KDM3B: variants seen among roughly 807,000 people sequenced by gnomAD.
KDM3B encodes the protein lysine-specific demethylase 3B.
In KDM3B, 10 loss-of-function variants were observed where a neutral mutation model predicts 170.0. That is an observed-to-expected ratio of 0.06 (90% CI 0.04 to 0.10). The LOEUF (loss-of-function observed/expected upper bound fraction) is 0.10, where lower values mean the gene tolerates loss of function less well. Ranked by LOEUF, KDM3B falls within the 10% of genes least tolerant of loss-of-function variation. The pLI, the probability that KDM3B is intolerant of heterozygous loss-of-function variation, is 1.00. For missense variants in KDM3B, 1,394 were observed against 2,195.2 expected (o/e 0.64, Z 7.29); for synonymous variants, 831 against 834.8 (o/e 1.00, Z 0.08).
chr5:138,356,241 T>G (rs896036474), intron 1 of KDM3B, among the ~76,000 whole-genome samples: 2 of 152,230 alleles, frequency 1.3e-5, no homozygotes, highest in African/African-American at 4.8e-5. Flanking sequence ...AGTTTAGCAA[T>G]CCAGGGTTGA....
chr5:138,366,030 G>C (rs1761737079), intron 1 of KDM3B, among the ~76,000 whole-genome samples: 1 of 151,874 alleles, frequency 6.6e-6, no homozygotes, highest in Non-Finnish European at 1.5e-5. Context: ...TTTAAAAAAG[G>C]AAACATCTAC....
chr5:138,411,148 C>T (rs1398132186), intron 11 of KDM3B, among the ~76,000 whole-genome samples: 4 of 151,994 alleles, frequency 2.6e-5, no homozygotes, highest in Non-Finnish European at 5.9e-5. Flanking sequence ...TGCTAGACCA[C>T]GGTCCACCTG....
chr5:138,369,762 A>G (rs1761828785), intron 1 of KDM3B, among the ~76,000 whole-genome samples: 1 of 152,084 alleles, frequency 6.6e-6, no homozygotes, highest in African/African-American at 2.4e-5. Context: ...ATTTTACCCT[A>G]TTTCTGTTTA....
chr5:138,432,960 G>C (rs1763573066), intron 23 of KDM3B, among the ~76,000 whole-genome samples: 1 of 152,026 alleles, frequency 6.6e-6, no homozygotes, highest in Non-Finnish European at 1.5e-5. Flanking sequence ...TAGCCAGGAT[G>C]GTCTTGATCG....
At chr5:138,418,742 C>G (rs1561790671) in intron 13 of KDM3B, among the ~76,000 whole-genome samples, 1 of 152,192 alleles carries the variant, frequency 6.6e-6, no homozygotes, top group Non-Finnish European at 1.5e-5. Flanking sequence ...AAACTTCAAG[C>G]CTTGTTCACT....
intron 6 of KDM3B, among the ~76,000 whole-genome samples, chr5:138,383,441 A>G (rs533324764): frequency 6.6e-6 from 1 of 152,150 alleles, no homozygotes; most frequent in Admixed American, 6.5e-5. Context: ...ACGCCTGGTG[A>G]TCTTTGGTTT....
intron 1 of KDM3B, among the ~76,000 whole-genome samples, chr5:138,370,140 C>G (rs773604687): frequency 2.6e-5 from 4 of 152,090 alleles, no homozygotes; most frequent in Non-Finnish European, 5.9e-5. Flanking sequence ...TATGAATGAG[C>G]CTATTTATAT....
At chr5:138,394,463 A>G (rs1762503535) in intron 9 of KDM3B, among the ~76,000 whole-genome samples, 1 of 152,202 alleles carries the variant, frequency 6.6e-6, no homozygotes, top group Non-Finnish European at 1.5e-5. Context: ...AGGATGCTAG[A>G]GAGGCTACAG....
In KDM3B at chr5:138,356,814, T is replaced by C. The variant is rs994152351; in HGVS notation, c.192+3827T>C. 2.0e-5 allele frequency among the ~76,000 whole-genome samples: 3 copies of C among 151,828 alleles called. No homozygotes were observed. In the South Asian group the frequency reaches 6.2e-4, roughly 32 times the overall value. ...TGTGCCACCACGCCCAGGTAATTTT[T>C]TGTATTTTTAGTAGAGATGGGGTTT... On this transcript the variant is annotated intron_variant, in intron 1 of 23. Coordinates refer to ENST00000314358, the MANE Select transcript of KDM3B (RefSeq NM_016604.4).
intron 2 of KDM3B, 76 bp downstream of exon 2, chr5:138,372,917 G>A: frequency 3.8e-6 from 5 of 1,330,360 alleles, no homozygotes; most frequent in Middle Eastern, 4.4e-4. Flanking sequence ...TAGGGACAGA[G>A]TATGTGTAAG....
intron 12 of KDM3B, among the ~76,000 whole-genome samples, chr5:138,417,070 C>T (rs1763124510): frequency 6.6e-6 from 1 of 152,236 alleles, no homozygotes; most frequent in African/African-American, 2.4e-5. Flanking sequence ...AATTCTTCCG[C>T]CTTGGCCTCC....
intron 11 of KDM3B, among the ~76,000 whole-genome samples, chr5:138,410,264 C>T (rs1312607201): frequency 6.6e-6 from 1 of 151,844 alleles, no homozygotes; most frequent in Non-Finnish European, 1.5e-5. Context: ...CTAGAATACC[C>T]AAAACAATTT....
At chr5:138,418,000 G>A (rs1261387072) in intron 13 of KDM3B, 2 of 154,430 alleles carry the variant, frequency 1.3e-5, no homozygotes, top group Non-Finnish European at 2.9e-5. Context: ...GCAGAAGACA[G>A]AAATATGAAG....
In KDM3B at chr5:138,392,221, G is replaced by A. The variant is rs1486259498; in HGVS notation, c.2589G>A (p.Lys863=). 2.0e-6 allele frequency: 3 copies of A among 1,505,874 alleles called. No individual in the cohort carries two copies. Among genetic ancestry groups the A allele is most frequent in the African/African-American group, 1.4e-5 (1 of 71,606 alleles). The allele number at this position is 1,505,874 out of a possible 1,614,324, so 93.3% of individuals were successfully genotyped here. Residue 863 remains lysine (K), a synonymous_variant, in exon 8 of 24, where the codon AAG becomes AAA. Coordinates refer to ENST00000314358, the MANE Select transcript of KDM3B (RefSeq NM_016604.4). The stretch of plus-strand genomic sequence containing the variant: ...TGTTGCTGGGCAAAAGCAAAGGGAA[G>A]CAGGCCCCCAAGGGCCGGCCTCGGA... ...AELLLGKSKG[K]QAPKGRPRTA...
At position 138,430,310 on chromosome 5, in the gene KDM3B, G is replaced by C; in HGVS notation, c.4955G>C (p.Trp1652Ser). 1 of 1,614,178 alleles carries C rather than the reference G, an allele frequency of 6.2e-7. No homozygotes were observed. Among genetic ancestry groups the C allele is most frequent in the South Asian group, 1.1e-5 (1 of 91,082 alleles). Reference sequence around the variant, plus strand: ...CATGACCCAATTCATGACCAAAGTTGGTACCTGGACCAGACCCTCCGTAAG... The same window carrying C: ...CATGACCCAATTCATGACCAAAGTTCGTACCTGGACCAGACCCTCCGTAAG... The part of the protein sequence containing the change: ...PDHDPIHDQS[W>S]YLDQTLRKRL... The change falls in exon 22 of 24, where the codon TGG (tryptophan) becomes TCG (serine). Residue 1652 changes from tryptophan to serine, a missense_variant. Physicochemically the swap from Trp to Ser is radical, Grantham distance 177. Coordinates refer to ENST00000314358, the MANE Select transcript of KDM3B (RefSeq NM_016604.4).
Position 138,429,900 on chromosome 5 carries a change from C to G in KDM3B, c.4828C>G (p.Pro1610Ala). ...KQRIHDGKEK[P>A]GALWHIYAAK... Reference sequence around the variant, plus strand: ...GAGGATTCATGATGGAAAAGAGAAGCCAGGTGCTTTATGGCACATCTATGC... The same window carrying G: ...GAGGATTCATGATGGAAAAGAGAAGGCAGGTGCTTTATGGCACATCTATGC... Residue 1610 changes from proline to alanine, a missense_variant, in exon 21 of 24, where the codon CCA becomes GCA. Pro to Ala is a conservative substitution (Grantham distance 27, BLOSUM62 -1). Coordinates refer to ENST00000314358, the MANE Select transcript of KDM3B (RefSeq NM_016604.4). 6.2e-7 allele frequency: 1 copy of G among 1,614,170 alleles called. No individual in the cohort carries two copies.
intron 4 of KDM3B, among the ~76,000 whole-genome samples, chr5:138,378,628 A>G (rs1762054818): frequency 6.6e-6 from 1 of 152,074 alleles, no homozygotes. Context: ...CTAAACAGGT[A>G]AAGGTAGAAA....
At chr5:138,367,319 AAG>A in intron 1 of KDM3B, among the ~76,000 whole-genome samples, 1 of 152,258 alleles carries the variant, frequency 6.6e-6, no homozygotes, top group East Asian at 1.9e-4. Context: ...CATTTTTGTT[AAG>A]AGTGTGAATA....
intron 19 of KDM3B, among the ~76,000 whole-genome samples, chr5:138,427,762 AT>A (rs1763433682): frequency 6.6e-6 from 1 of 152,268 alleles, no homozygotes; most frequent in Non-Finnish European, 1.5e-5. Flanking sequence ...TTGGAGGTAG[AT>A]TTGTTCCATG....
Sources: allele counts gnomAD v4.1 joint callset (sites outside exome capture counted in the v4.1 genomes callset), GRCh38; gene constraint gnomAD v4.1.1; transcripts MANE v1.5; gene names NCBI Gene and HGNC (gene_info 2026-07-23, HGNC 2026-07-21).